Variants in KIF13A observed in about 807,000 individuals in gnomAD.
KIF13A encodes kinesin-like protein KIF13A.
Under a neutral mutation model 212.2 loss-of-function variants are expected in KIF13A, and 79 were observed. That is an observed-to-expected ratio of 0.37 (90% CI 0.31 to 0.45). KIF13A has a LOEUF of 0.45. Among genes scored for constraint, KIF13A ranks in the 20% least tolerant of loss-of-function variants. KIF13A has a pLI of 1.00. For missense variants in KIF13A, 1,901 were observed against 2,209.0 expected (o/e 0.86, Z 2.79); for synonymous variants, 789 against 808.6 (o/e 0.98, Z 0.41).
At chr6:17,857,576 T>C (rs752098225) in intron 4 of KIF13A, among the ~76,000 whole-genome samples, 4 of 152,230 alleles carry the variant, frequency 2.6e-5, no homozygotes, top group Non-Finnish European at 5.9e-5. Flanking sequence ...CTGCCTCATG[T>C]AGTTCTTTAC....
rs1046480856 is a variant in KIF13A at position 17,811,725 on chromosome 6, G to C, written c.2001-2795C>G. On this transcript the variant is annotated intron_variant, in intron 17 of 38. Coordinates refer to ENST00000259711, the MANE Select transcript of KIF13A (RefSeq NM_022113.6). The surrounding 1 kb of genome is among the most constrained non-coding windows in gnomAD (Gnocchi z 6.0). ...ATTAATGACATCTTACTTTTATCCA[G>C]TGAAACCTGACAAAATCAATAATGC... Among the ~76,000 whole-genome samples, 1 of 152,158 alleles carries C rather than the reference G, an allele frequency of 6.6e-6. No individual in the cohort carries two copies. Among genetic ancestry groups the C allele is most frequent in the Non-Finnish European group, 1.5e-5 (1 of 68,026 alleles).
At chr6:17,869,019 A>AAACAAAAAAAAAAAAAAAAAC (rs1554187445) in intron 4 of KIF13A, among the ~76,000 whole-genome samples, 1 of 126,514 alleles carries the variant, frequency 7.9e-6, no homozygotes, top group Non-Finnish European at 1.7e-5. Context: ...AAAAAAAAAA[A>AAACAAAAAAAAAAAAAAAAAC]ACACAAATAA....
chr6:17,806,581 T>C (rs186163299), intron 18 of KIF13A, among the ~76,000 whole-genome samples: 5 of 152,300 alleles, frequency 3.3e-5, no homozygotes. Context: ...TTCTGAGTCA[T>C]AGAAAAACAA....
chr6:17,839,487 T>C lies in KIF13A; in HGVS notation c.831-1904A>G, dbSNP rs1377646672. ...ATAAAAGGGAATAAGTTCAGATACA[T>C]GTATCACAACAACTACAACACGGAT... On this transcript the variant is annotated intron_variant, in intron 9 of 38. Coordinates refer to ENST00000259711, the MANE Select transcript of KIF13A (RefSeq NM_022113.6). This position sits in a 1 kb window ranked among gnomAD's most constrained non-coding sequence, Gnocchi z 4.3. Among the ~76,000 whole-genome samples the C allele has an allele frequency of 1.3e-5, 2 of 152,308 alleles. No individual in the cohort carries two copies. Among genetic ancestry groups the C allele is most frequent in the East Asian group, 1.9e-4 (1 of 5,178 alleles).
chr6:17,877,308 C>T (rs1158545064), intron 3 of KIF13A, among the ~76,000 whole-genome samples: 1 of 152,174 alleles, frequency 6.6e-6, no homozygotes, highest in East Asian at 1.9e-4. Context: ...CAAACATTCA[C>T]TCTGGTTTTA....
At position 17,764,548 on chromosome 6, in the gene KIF13A, T is replaced by A; in HGVS notation, c.4980A>T (p.Val1660=). 2 of 1,614,018 alleles carry A rather than the reference T, an allele frequency of 1.2e-6. No individual in the cohort carries two copies. The highest frequency in any genetic ancestry group is 1.7e-6 in the Non-Finnish European group (2 of 1,179,882). Residue 1660 remains valine, a synonymous_variant, in exon 39 of 39, where the codon GTA becomes GTT. Transcript: ENST00000259711. This position sits in a 1 kb window ranked among gnomAD's most constrained non-coding sequence, Gnocchi z 5.1. Reference sequence around the variant, plus strand: ...GTGGCACCACAATTATCTTGTCCTTTACCAAGCCTTTTTCGACTTCTGTCA... The same window carrying A: ...GTGGCACCACAATTATCTTGTCCTTAACCAAGCCTTTTTCGACTTCTGTCA... The part of the protein sequence containing the change: ...KELTEVEKGL[V]KDKIIVVPLK...
At chr6:17,931,922 C>T (rs185055286) in intron 2 of KIF13A, among the ~76,000 whole-genome samples, 1 of 152,082 alleles carries the variant, frequency 6.6e-6, no homozygotes, top group African/African-American at 2.4e-5. Context: ...GTAAATTTTC[C>T]TTCTAGATTT....
At chr6:17,979,233 C>T (rs1334339303) in intron 2 of KIF13A, among the ~76,000 whole-genome samples, 1 of 152,124 alleles carries the variant, frequency 6.6e-6, no homozygotes, top group Non-Finnish European at 1.5e-5. Flanking sequence ...GCAGAGGTTG[C>T]AGTGAGTCCA....
At chr6:17,848,992 A>G (rs1271828545) in intron 9 of KIF13A, among the ~76,000 whole-genome samples, 1 of 151,948 alleles carries the variant, frequency 6.6e-6, no homozygotes, top group Non-Finnish European at 1.5e-5. Context: ...ATCTTGATTC[A>G]CTGCAACCTC....
chr6:17,964,096 T>C (rs2150592924), intron 2 of KIF13A, among the ~76,000 whole-genome samples: 1 of 152,214 alleles, frequency 6.6e-6, no homozygotes, highest in Admixed American at 6.5e-5. Context: ...CCAGTCTGGG[T>C]GACAGAGTGA....
intron 4 of KIF13A, among the ~76,000 whole-genome samples, chr6:17,865,065 G>A (rs1261899021): frequency 1.3e-5 from 2 of 152,184 alleles, no homozygotes; most frequent in African/African-American, 4.8e-5. Context: ...TGAAATGGGA[G>A]GATATACGCC....
At chr6:17,985,510 G>C (rs1264020177) in intron 2 of KIF13A, among the ~76,000 whole-genome samples, 6 of 151,756 alleles carry the variant, frequency 4.0e-5, no homozygotes, top group Non-Finnish European at 8.8e-5. Context: ...CAGGTGCCAA[G>C]CCAGCAAGGA....
chr6:17,940,457 G>C (rs1776862673), intron 2 of KIF13A, among the ~76,000 whole-genome samples: 1 of 152,168 alleles, frequency 6.6e-6, no homozygotes, highest in Non-Finnish European at 1.5e-5. Flanking sequence ...GGAAAACGCT[G>C]TTAGTGAACC....
At chr6:17,904,127 G>C (rs1773289004) in intron 2 of KIF13A, among the ~76,000 whole-genome samples, 1 of 151,768 alleles carries the variant, frequency 6.6e-6, no homozygotes, top group Non-Finnish European at 1.5e-5. Context: ...ACCGCACTCT[G>C]ACTTGGGTGA....
intron 4 of KIF13A, among the ~76,000 whole-genome samples, chr6:17,858,138 TGTGA>T (rs1768340108): frequency 6.8e-6 from 1 of 146,074 alleles, no homozygotes; most frequent in Non-Finnish European, 1.5e-5. Context: ...TGTGTGTGTG[TGTGA>T]GAGAGAGAGA....
At chr6:17,891,702 T>C (rs2150471280) in intron 3 of KIF13A, among the ~76,000 whole-genome samples, 2 of 152,126 alleles carry the variant, frequency 1.3e-5, no homozygotes, top group East Asian at 1.9e-4. Flanking sequence ...AGGCTGGAGT[T>C]TGACGATGCA....
intron 20 of KIF13A, among the ~76,000 whole-genome samples, chr6:17,803,945 G>A (rs1474145803): frequency 6.6e-6 from 1 of 152,200 alleles, no homozygotes. Flanking sequence ...AAGGTCAGGA[G>A]ATCAAGACCA....
chr6:17,814,763 C>A (rs1008246551), intron 17 of KIF13A, among the ~76,000 whole-genome samples: 9 of 152,150 alleles, frequency 5.9e-5, no homozygotes, highest in African/African-American at 2.2e-4. Context: ...ATGGCAAGAA[C>A]ACAACTGAAG....
At chr6:17,788,763 C>T (rs779879970) in intron 26 of KIF13A, among the ~76,000 whole-genome samples, 13 of 152,130 alleles carry the variant, frequency 8.5e-5, no homozygotes, top group African/African-American at 1.4e-4. Context: ...TCGCTCTTGT[C>T]GCCCAGGCTG....
Sources: allele counts gnomAD v4.1 joint callset (sites outside exome capture counted in the v4.1 genomes callset), GRCh38; gene constraint gnomAD v4.1.1; non-coding constraint Gnocchi (gnomAD v3.1); transcripts MANE v1.5; gene names NCBI Gene and HGNC (gene_info 2026-07-23, HGNC 2026-07-21).